The following FER variants were observed in gnomAD, a reference collection of about 807,000 sequenced individuals.
FER encodes tyrosine-protein kinase Fer.
A neutral mutation model predicts 111.0 loss-of-function variants in FER; 63 were observed. The ratio of observed to expected loss-of-function variants is 0.57; its 90% confidence interval spans 0.46 to 0.70. FER has a LOEUF of 0.70. Ranked by LOEUF, FER falls within the 30% of genes least tolerant of loss-of-function variation. The pLI, the probability that FER is intolerant of heterozygous loss-of-function variation, is 0.00. For synonymous variants in FER, 327 were observed against 313.9 expected (o/e 1.04, Z -0.44); for missense variants, 914 against 954.0 (o/e 0.96, Z 0.55).
At chr5:108,927,305 C>G (rs972101512) in intron 10 of FER, among the ~76,000 whole-genome samples, 1 of 128,086 alleles carries the variant, frequency 7.8e-6, no homozygotes, top group Non-Finnish European at 1.6e-5. Flanking sequence ...CCAGGCCGGA[C>G]TGCGGACTGC....
chr5:109,187,291 C>T (rs1181673587), intron 19 of FER, 142 bp from the exon 20 acceptor site: 1 of 768,288 alleles, frequency 1.3e-6, no homozygotes, highest in Non-Finnish European at 2.1e-6. Flanking sequence ...AATAAAAACT[C>T]AGCCTCCCCA....
At chr5:109,033,463 T>C (rs1258118936) in intron 13 of FER, among the ~76,000 whole-genome samples, 6 of 148,962 alleles carry the variant, frequency 4.0e-5, no homozygotes, top group African/African-American at 1.5e-4. Flanking sequence ...AATGCAGAGT[T>C]CCAGGCTTCT....
chr5:108,756,374 A>G (rs931161464), intron 1 of FER, among the ~76,000 whole-genome samples: 8 of 151,880 alleles, frequency 5.3e-5, no homozygotes, highest in African/African-American at 1.7e-4. Flanking sequence ...TCTTTGTTTC[A>G]GTATAGAAGT....
chr5:109,080,725 T>C (rs905264687), intron 16 of FER, among the ~76,000 whole-genome samples: 2 of 152,128 alleles, frequency 1.3e-5, no homozygotes, highest in Admixed American at 6.6e-5. Context: ...AAAAAGATTG[T>C]ACATTGTACA....
chr5:108,789,379 CTT>C (rs879411653), intron 2 of FER, among the ~76,000 whole-genome samples: 5 of 144,536 alleles, frequency 3.5e-5, no homozygotes, highest in Non-Finnish European at 3.0e-5. Context: ...CTCATACTCA[CTT>C]TTTTTTTTTT....
chr5:109,118,848 G>A (rs1460793114), intron 17 of FER, among the ~76,000 whole-genome samples: 2 of 151,732 alleles, frequency 1.3e-5, no homozygotes, highest in African/African-American at 4.8e-5. Context: ...GATCAGTGGT[G>A]ATATCCCCTT....
At chr5:108,921,286 A>G (rs1229259095) in intron 10 of FER, among the ~76,000 whole-genome samples, 1 of 152,148 alleles carries the variant, frequency 6.6e-6, no homozygotes, top group African/African-American at 2.4e-5. Flanking sequence ...ATTTCCATGC[A>G]TTAAATACTA....
chr5:109,029,291 CA>C (rs1271708299), intron 13 of FER, among the ~76,000 whole-genome samples: 5 of 144,532 alleles, frequency 3.5e-5, no homozygotes, highest in African/African-American at 5.1e-5. Flanking sequence ...TACATGTGCA[CA>C]ATGTGCAGGT....
At chr5:109,129,594 T>G (rs1752134321) in intron 17 of FER, among the ~76,000 whole-genome samples, 1 of 151,994 alleles carries the variant, frequency 6.6e-6, no homozygotes, top group African/African-American at 2.4e-5. Context: ...AACTAAATTT[T>G]AATATTTCAT....
chr5:108,923,923 A>G (rs1471473819), intron 10 of FER, among the ~76,000 whole-genome samples: 2 of 152,214 alleles, frequency 1.3e-5, no homozygotes. Context: ...GCTTTGTAGC[A>G]CAGCTATCTG....
intron 13 of FER, among the ~76,000 whole-genome samples, chr5:109,029,625 T>C (rs1769314083): frequency 6.6e-6 from 1 of 152,016 alleles, no homozygotes; most frequent in African/African-American, 2.4e-5. Context: ...TTGACAGTTA[T>C]TTTCTTTCAA....
intron 16 of FER, among the ~76,000 whole-genome samples, chr5:109,091,379 A>G (rs554289800): frequency 6.6e-6 from 1 of 152,316 alleles, no homozygotes; most frequent in East Asian, 1.9e-4. Context: ...AGTACAAGCC[A>G]TAAACCTTGG....
At chr5:109,004,384 C>T (rs114201057) in intron 13 of FER, among the ~76,000 whole-genome samples, 9 of 152,136 alleles carry the variant, frequency 5.9e-5, no homozygotes, top group Non-Finnish European at 1.3e-4. Flanking sequence ...ACTGCTATTT[C>T]TAGGAATGTA....
At chr5:108,985,516 T>C (rs1052389068) in intron 13 of FER, among the ~76,000 whole-genome samples, 3 of 152,162 alleles carry the variant, frequency 2.0e-5, no homozygotes, top group African/African-American at 7.2e-5. Flanking sequence ...TTGTGATTTC[T>C]GAGATTATGG....
At chr5:109,051,976 A>G in intron 16 of FER, 1 of 1,587,430 alleles carries the variant, frequency 6.3e-7, no homozygotes, top group South Asian at 1.1e-5. Flanking sequence ...GATAGACTTG[A>G]AGAGGATACT....
chr5:109,088,411 A>C (rs1777797123), intron 16 of FER, among the ~76,000 whole-genome samples: 1 of 152,086 alleles, frequency 6.6e-6, no homozygotes, highest in African/African-American at 2.4e-5. Context: ...TATTTCTGAT[A>C]ATCAATAATG....
intron 13 of FER, among the ~76,000 whole-genome samples, chr5:108,964,794 A>C (rs951592892): frequency 6.6e-6 from 1 of 152,148 alleles, no homozygotes; most frequent in African/African-American, 2.4e-5. Context: ...ATTTAGTAGA[A>C]TAGGCCATCC....
intron 17 of FER, among the ~76,000 whole-genome samples, chr5:109,110,541 A>G (rs1269960410): frequency 2.0e-5 from 3 of 152,172 alleles, no homozygotes; most frequent in Admixed American, 2.0e-4. Flanking sequence ...CTTGTAAGCC[A>G]TTGAAAGGAC....
In FER at chr5:109,194,429, C is replaced by G. The variant is rs1317291482; in HGVS notation, c.*6854C>G. 1.3e-5 allele frequency: 2 copies of G among 152,170 alleles called. No individual in the cohort carries two copies. Among genetic ancestry groups the G allele is most frequent in the Non-Finnish European group, 2.9e-5 (2 of 68,026 alleles). The allele number at this position is 152,170 out of a possible 1,614,324, so 9.4% of individuals were successfully genotyped here. A position where few individuals can be genotyped will look rare whatever the true frequency, so the allele number is the denominator to read the frequency against. On this transcript the variant is annotated 3_prime_UTR_variant, in exon 20 of 20. Transcript: ENST00000281092. Reference sequence around the variant, plus strand: ...GCAGTTCCTCAAAGCAGTATTCTTCCTGAAAAGCCAAACACCACACCTATT... The same window carrying G: ...GCAGTTCCTCAAAGCAGTATTCTTCGTGAAAAGCCAAACACCACACCTATT...
Sources: gnomAD v4.1 joint callset for allele counts (sites outside exome capture counted in the v4.1 genomes callset) on GRCh38, gnomAD v4.1.1 for gene constraint, MANE v1.5 for transcripts, NCBI Gene and HGNC (gene_info 2026-07-23, HGNC 2026-07-21) for gene names.